TCF7L1: variants seen among roughly 807,000 people sequenced by gnomAD.
TCF7L1 encodes the protein transcription factor 7 like 1.
In TCF7L1, 18 loss-of-function variants were observed where a neutral mutation model predicts 63.7. The ratio of observed to expected loss-of-function variants is 0.28; its 90% CI spans 0.20 to 0.42. TCF7L1 has a LOEUF of 0.42. Ranked by LOEUF, TCF7L1 falls within the 10% of genes least tolerant of loss-of-function variation. The pLI is 1.00. For missense variants in TCF7L1, 654 were observed against 779.3 expected (o/e 0.84, Z 1.91); for synonymous variants, 355 against 340.9 (o/e 1.04, Z -0.46).
intron 3 of TCF7L1, among the ~76,000 whole-genome samples, chr2:85,225,314 A>T (rs1331645070): frequency 6.6e-6 from 1 of 152,196 alleles, no homozygotes; most frequent in Admixed American, 6.5e-5. Flanking sequence ...TTCTGTGAAG[A>T]AAGTCAGTGG....
At chr2:85,287,713 A>G (rs1348174153) in intron 4 of TCF7L1, among the ~76,000 whole-genome samples, 1 of 152,204 alleles carries the variant, frequency 6.6e-6, no homozygotes, top group Non-Finnish European at 1.5e-5. Flanking sequence ...TGGGAATTCA[A>G]CAGATGGGGA....
intron 3 of TCF7L1, among the ~76,000 whole-genome samples, chr2:85,170,947 A>C (rs1413413597): frequency 2.0e-5 from 3 of 152,238 alleles, no homozygotes; most frequent in African/African-American, 7.2e-5. Context: ...TTGTCAAAGG[A>C]ATAATGAGGC....
At chr2:85,195,321 A>ACG (rs1359150012) in intron 3 of TCF7L1, among the ~76,000 whole-genome samples, 1 of 152,214 alleles carries the variant, frequency 6.6e-6, no homozygotes, top group Non-Finnish European at 1.5e-5. Flanking sequence ...GTGGTGGCTT[A>ACG]TGCCTGTAAT....
At chr2:85,304,128 A>C (rs72934693) in intron 6 of TCF7L1, 127 bp from the exon 7 acceptor site, 3 of 1,217,368 alleles carry the variant, frequency 2.5e-6, no homozygotes, top group Non-Finnish European at 3.5e-6. Flanking sequence ...GCCCCCGCCC[A>C]GGCAGCGTGC....
chr2:85,280,641 C>T (rs1283485522), intron 3 of TCF7L1, among the ~76,000 whole-genome samples: 2 of 152,180 alleles, frequency 1.3e-5, no homozygotes, highest in Non-Finnish European at 2.9e-5. Context: ...CTCTTTAGCA[C>T]CTGGTAGTTG....
At chr2:85,221,844 A>T (rs1284322082) in intron 3 of TCF7L1, among the ~76,000 whole-genome samples, 1 of 152,110 alleles carries the variant, frequency 6.6e-6, no homozygotes, top group Non-Finnish European at 1.5e-5. Flanking sequence ...TCAAGCCTCT[A>T]GATCTAATTA....
At chr2:85,279,409 AAAAT>A (rs60255679) in intron 3 of TCF7L1, among the ~76,000 whole-genome samples, 38,773 of 151,860 alleles carry the variant, frequency 0.26, 5,427 homozygotes, top group East Asian at 0.57. Flanking sequence ...ATAAAAAATA[AAAAT>A]AAATAAATAA....
At chr2:85,279,251 G>C (rs1005394786) in intron 3 of TCF7L1, among the ~76,000 whole-genome samples, 2 of 152,142 alleles carry the variant, frequency 1.3e-5, no homozygotes, top group Non-Finnish European at 2.9e-5. Flanking sequence ...CGTGGGGTTG[G>C]CCTTACAGCT....
At chr2:85,137,470 C>T (rs915711673) in intron 3 of TCF7L1, among the ~76,000 whole-genome samples, 4 of 152,168 alleles carry the variant, frequency 2.6e-5, no homozygotes, top group Non-Finnish European at 5.9e-5. Flanking sequence ...GCCCTGGGAC[C>T]CTGTGAAGAG....
chr2:85,263,772 C>T (rs150980003), intron 3 of TCF7L1, among the ~76,000 whole-genome samples: 38 of 152,304 alleles, frequency 2.5e-4, no homozygotes, highest in Admixed American at 7.8e-4. Context: ...GTGATCACCG[C>T]GTGGGTGCCA....
chr2:85,272,043 C>A (rs182024964), intron 3 of TCF7L1, among the ~76,000 whole-genome samples: 197 of 152,298 alleles, frequency 1.3e-3, no homozygotes, highest in African/African-American at 4.5e-3. Flanking sequence ...ACTACCACCC[C>A]TTTCAAACCG....
chr2:85,145,137 G>A (rs747226116), intron 3 of TCF7L1, among the ~76,000 whole-genome samples: 8 of 151,632 alleles, frequency 5.3e-5, no homozygotes, highest in Non-Finnish European at 8.8e-5. Context: ...TCCAATAATA[G>A]CATGGTGGAA....
At chr2:85,195,426 G>A (rs1679132257) in intron 3 of TCF7L1, among the ~76,000 whole-genome samples, 1 of 152,162 alleles carries the variant, frequency 6.6e-6, no homozygotes. Flanking sequence ...CTTCATGCTG[G>A]GTGACAGAGC....
intron 3 of TCF7L1, among the ~76,000 whole-genome samples, chr2:85,240,218 T>C (rs1680292134): frequency 6.6e-6 from 1 of 152,176 alleles, no homozygotes; most frequent in Admixed American, 6.5e-5. Flanking sequence ...ACAGAGCAGC[T>C]CTGGGAGCCT....
In TCF7L1 at chr2:85,304,330, GATGTCCAGGTGAGTCCC is replaced by G; in HGVS notation, c.838_845+9del. ...ACCCCGCCCTCGCCATGAACGCCTC[GATGTCCAGGTGAGTCCC>G]GGGGCTGGGGCTGTCCGCATGTTTG... On this transcript the variant is annotated splice_donor_variant and splice_donor_5th_base_variant and coding_sequence_variant and intron_variant, in exon 7 of 12. Coordinates refer to ENST00000282111, the MANE Select transcript of TCF7L1 (RefSeq NM_031283.3). LOFTEE classifies it high-confidence loss of function. The G allele has an allele frequency of 6.2e-7, 1 of 1,613,866 alleles. No individual in the cohort carries two copies. Among genetic ancestry groups the G allele is most frequent in the Non-Finnish European group, 8.5e-7 (1 of 1,179,968 alleles).
At chr2:85,249,893 A>G (rs1048267611) in intron 3 of TCF7L1, among the ~76,000 whole-genome samples, 3 of 152,188 alleles carry the variant, frequency 2.0e-5, no homozygotes, top group African/African-American at 7.2e-5. Context: ...AAAAGGTGAT[A>G]ACATTATTTC....
chr2:85,273,246 G>T (rs1218670439), intron 3 of TCF7L1, among the ~76,000 whole-genome samples: 1 of 152,180 alleles, frequency 6.6e-6, no homozygotes, highest in African/African-American at 2.4e-5. Flanking sequence ...TGCAGGAGAG[G>T]TTGCACAGGC....
At chr2:85,302,995 A>G (rs976404569) in intron 5 of TCF7L1, among the ~76,000 whole-genome samples, 2 of 152,204 alleles carry the variant, frequency 1.3e-5, no homozygotes, top group African/African-American at 4.8e-5. Flanking sequence ...AAGCAGACAC[A>G]GAAGTGCAAC....
At chr2:85,176,986 CAAAAAA>C (rs774094748) in intron 3 of TCF7L1, among the ~76,000 whole-genome samples, 9 of 66,784 alleles carry the variant, frequency 1.3e-4, no homozygotes, top group African/African-American at 2.4e-4. Flanking sequence ...GACTCTGTCT[CAAAAAA>C]AAAAAAAAAA....
Sources: gnomAD v4.1 joint callset for allele counts (sites outside exome capture counted in the v4.1 genomes callset) on GRCh38, gnomAD v4.1.1 for gene constraint, MANE v1.5 for transcripts, NCBI Gene and HGNC (gene_info 2026-07-23, HGNC 2026-07-21) for gene names.